The following DRC8 variants were observed in gnomAD, a reference collection of about 807,000 sequenced individuals.
DRC8 encodes dynein regulatory complex protein 8.
At chr1:245,079,688 C>G in the DRC8 span, among the ~76,000 whole-genome samples, 1 of 152,158 alleles carries the variant, frequency 6.6e-6, no homozygotes, top group East Asian at 1.9e-4. Flanking sequence ...TTGAGACTGC[C>G]TGCTCTACAG....
the DRC8 span, among the ~76,000 whole-genome samples, chr1:245,012,473 T>C: frequency 1.9e-3 from 272 of 141,028 alleles, 3 homozygotes; most frequent in South Asian, 0.02. Flanking sequence ...TTAGAAAATA[T>C]AAAATAATCA....
chr1:244,984,857 A>G, the DRC8 span, among the ~76,000 whole-genome samples: 1 of 151,564 alleles, frequency 6.6e-6, no homozygotes, highest in Non-Finnish European at 1.5e-5. Flanking sequence ...CTTCAAAAAA[A>G]AAAAAAAACT....
At chr1:245,077,445 G>A in the DRC8 span, among the ~76,000 whole-genome samples, 1 of 152,084 alleles carries the variant, frequency 6.6e-6, no homozygotes, top group Non-Finnish European at 1.5e-5. Context: ...AACAATAGAG[G>A]AATTGTATCA....
At chr1:245,066,302 A>G in the DRC8 span, among the ~76,000 whole-genome samples, 2 of 152,250 alleles carry the variant, frequency 1.3e-5, no homozygotes, top group Admixed American at 1.3e-4. Flanking sequence ...GAAAATAGCA[A>G]CAGTACTCCT....
chr1:245,081,774 T>C, the DRC8 span, among the ~76,000 whole-genome samples: 2 of 152,166 alleles, frequency 1.3e-5, no homozygotes, highest in African/African-American at 4.8e-5. Context: ...CGGCCGAGTG[T>C]TCTTTATTGG....
the DRC8 span, among the ~76,000 whole-genome samples, chr1:245,035,957 A>T: frequency 4.6e-5 from 7 of 152,292 alleles, no homozygotes; most frequent in African/African-American, 1.7e-4. Context: ...CATTGATGTG[A>T]ATGTTTGTGA....
At chr1:245,077,847 C>A in the DRC8 span, among the ~76,000 whole-genome samples, 2 of 151,900 alleles carry the variant, frequency 1.3e-5, no homozygotes, top group African/African-American at 4.8e-5. Flanking sequence ...AGAGCACAGG[C>A]AACAAAAGCA....
chr1:245,029,336 C>T, the DRC8 span, among the ~76,000 whole-genome samples: 1 of 152,220 alleles, frequency 6.6e-6, no homozygotes, highest in African/African-American at 2.4e-5. Context: ...CTCACTCTGT[C>T]ACCCAGGCTG....
chr1:245,104,435 C>T, the DRC8 span, among the ~76,000 whole-genome samples: 3 of 149,970 alleles, frequency 2.0e-5, no homozygotes, highest in East Asian at 2.0e-4. Flanking sequence ...ACCTGGGAGG[C>T]GGAGGTTCCA....
chr1:245,058,638 T>C, the DRC8 span, among the ~76,000 whole-genome samples: 6 of 152,382 alleles, frequency 3.9e-5, no homozygotes, highest in East Asian at 1.2e-3. Context: ...TGAATGGAAG[T>C]ATTTCGTAAT....
chr1:245,012,301 G>A, the DRC8 span, among the ~76,000 whole-genome samples: 1 of 151,490 alleles, frequency 6.6e-6, no homozygotes, highest in East Asian at 1.9e-4. Context: ...TATACTTATT[G>A]GTAAAAGACT....
At chr1:245,064,139 A>T in the DRC8 span, among the ~76,000 whole-genome samples, 2 of 152,190 alleles carry the variant, frequency 1.3e-5, no homozygotes, top group African/African-American at 2.4e-5. Context: ...GTAGAATATG[A>T]CCAAAAGGAG....
At chr1:245,051,346 G>A in the DRC8 span, among the ~76,000 whole-genome samples, 3 of 152,114 alleles carry the variant, frequency 2.0e-5, no homozygotes, top group Admixed American at 2.0e-4. Context: ...GAGTGTGATC[G>A]TGCCACTTCT....
chr1:245,116,063 T>C, the DRC8 span, among the ~76,000 whole-genome samples: 1 of 152,090 alleles, frequency 6.6e-6, no homozygotes, highest in South Asian at 2.1e-4. Flanking sequence ...TGTTTTTGTA[T>C]TTTTAGTAGA....
At chr1:244,970,659 TCTCTCCCCCGCCCCGCCC>T in the DRC8 span, 6 of 35,362 alleles carry the variant, frequency 1.7e-4, no homozygotes, top group Non-Finnish European at 2.2e-4. Flanking sequence ...CCGCCCCGCC[TCTCTCCCCCGCCCCGCCC>T]CGCCTCTCTC....
At chr1:245,029,626 C>T in the DRC8 span, among the ~76,000 whole-genome samples, 1 of 146,272 alleles carries the variant, frequency 6.8e-6, no homozygotes, top group Non-Finnish European at 1.5e-5. Context: ...AAAGGAATCT[C>T]GCTCTGTCAC....
At chr1:244,975,837 G>A in the DRC8 span, among the ~76,000 whole-genome samples, 1 of 152,070 alleles carries the variant, frequency 6.6e-6, no homozygotes, top group Non-Finnish European at 1.5e-5. Flanking sequence ...TCCAGCCTGA[G>A]TAACAGGGTG....
chr1:244,981,467 G>A, the DRC8 span, among the ~76,000 whole-genome samples: 3 of 152,018 alleles, frequency 2.0e-5, no homozygotes, highest in Admixed American at 6.5e-5. Flanking sequence ...AATGTTTTAC[G>A]TGTATTATGT....
the DRC8 span, among the ~76,000 whole-genome samples, chr1:245,009,028 C>CTTTTTTTTTT: frequency 1.7e-4 from 11 of 64,432 alleles, no homozygotes; most frequent in African/African-American, 3.3e-4. Flanking sequence ...TTATGCTTTT[C>CTTTTTTTTTT]TTTTTTTTTT....
Sources: gnomAD v4.1 joint callset for allele counts (sites outside exome capture counted in the v4.1 genomes callset) on GRCh38, gnomAD v4.1.1 for gene constraint, MANE v1.5 for transcripts, NCBI Gene and HGNC (gene_info 2026-07-23, HGNC 2026-07-21) for gene names.